The following DDR2 variants were observed in gnomAD, a reference collection of about 807,000 sequenced individuals.
DDR2 encodes the protein discoidin domain receptor tyrosine kinase 2, also known as discoidin domain-containing receptor 2.
In DDR2, 27 loss-of-function variants were observed where a neutral mutation model predicts 94.9. The observed-to-expected ratio is 0.28, with a 90% CI of 0.21 to 0.39. The LOEUF (loss-of-function observed/expected upper bound fraction) is 0.39, where lower values mean the gene tolerates loss of function less well. Ranked by LOEUF, DDR2 falls within the 10% of genes least tolerant of loss-of-function variation. DDR2 has a pLI of 1.00. For synonymous variants in DDR2, 382 were observed against 377.2 expected (o/e 1.01, Z -0.15); for missense variants, 783 against 1,076.0 (o/e 0.73, Z 3.81).
chr1:162,636,823 T>G (rs891299823), intron 1 of DDR2, among the ~76,000 whole-genome samples: 1 of 152,158 alleles, frequency 6.6e-6, no homozygotes. Context: ...AGATGGGAGA[T>G]GGATTAAAAA....
At chr1:162,722,321 A>G (rs1285810573) in intron 3 of DDR2, among the ~76,000 whole-genome samples, 2 of 152,174 alleles carry the variant, frequency 1.3e-5, no homozygotes, top group Non-Finnish European at 2.9e-5. Flanking sequence ...TGGGGCCTGG[A>G]GCGTAGGCTA....
At chr1:162,670,341 C>T (rs1056777653) in intron 2 of DDR2, among the ~76,000 whole-genome samples, 2 of 152,188 alleles carry the variant, frequency 1.3e-5, no homozygotes, top group African/African-American at 2.4e-5. Flanking sequence ...CTCCTGACCT[C>T]GTGATCTGCC....
At chr1:162,772,445 T>G (rs1486540655) in intron 13 of DDR2, 198 bp downstream of exon 13, 1 of 630,516 alleles carries the variant, frequency 1.6e-6, no homozygotes, top group African/African-American at 1.8e-5. Context: ...CTGGGACTTC[T>G]GATTTCTATA....
intron 3 of DDR2, among the ~76,000 whole-genome samples, chr1:162,727,272 A>ATATATTTATATTTTG (rs1228544082): frequency 3.7e-5 from 2 of 54,620 alleles, no homozygotes; most frequent in African/African-American, 8.1e-5. Context: ...AAATATAAAT[A>ATATATTTATATTTTG]TAAATATAAA....
chr1:162,746,536 C>G (rs1027343327), intron 3 of DDR2, among the ~76,000 whole-genome samples: 1 of 152,250 alleles, frequency 6.6e-6, no homozygotes, highest in African/African-American at 2.4e-5. Context: ...GACGCCACCT[C>G]TGTGGGCAGG....
chr1:162,730,768 A>G (rs901301398), intron 3 of DDR2, among the ~76,000 whole-genome samples: 2 of 152,152 alleles, frequency 1.3e-5, no homozygotes, highest in Non-Finnish European at 2.9e-5. Context: ...CCGACTCTCA[A>G]AAAATCAGCT....
chr1:162,739,289 G>T (rs939221330), intron 3 of DDR2, among the ~76,000 whole-genome samples: 5 of 151,742 alleles, frequency 3.3e-5, no homozygotes, highest in Non-Finnish European at 7.4e-5. Context: ...CCATCAAAAA[G>T]TGGGCAAAGG....
intron 2 of DDR2, among the ~76,000 whole-genome samples, chr1:162,656,195 C>T (rs1371678482): frequency 6.6e-6 from 1 of 152,160 alleles, no homozygotes; most frequent in Non-Finnish European, 1.5e-5. Flanking sequence ...CTCCTTCATG[C>T]CTGTGCCTCT....
chr1:162,763,688 A>C (rs1485903510), intron 9 of DDR2, among the ~76,000 whole-genome samples: 1 of 152,094 alleles, frequency 6.6e-6, no homozygotes, highest in African/African-American at 2.4e-5. Context: ...TAGAAAACAC[A>C]AACTGGGTAG....
chr1:162,632,633 T>C lies in DDR2; in HGVS notation c.-192+2T>C, dbSNP rs1656611563. 1 of 152,248 alleles carries C rather than the reference T, an allele frequency of 6.6e-6. No individual in the cohort carries two copies. Among genetic ancestry groups the C allele is most frequent in the Non-Finnish European group, 1.5e-5 (1 of 68,050 alleles). 9.4% of individuals were successfully genotyped at this position (152,248 alleles called of 1,614,324 possible). On this transcript the variant is annotated splice_donor_variant, in intron 1 of 17. Coordinates refer to ENST00000367921, the MANE Select transcript of DDR2 (RefSeq NM_006182.4). LOFTEE classifies it low-confidence loss of function (5UTR_SPLICE). ...AAAACTGTGCACCCCTGGATGAAAG[T>C]AAGTTATGTGGGTCTTTTTTCTTTA...
intron 3 of DDR2, among the ~76,000 whole-genome samples, chr1:162,732,962 C>T (rs1047293974): frequency 3.3e-5 from 5 of 152,220 alleles, no homozygotes; most frequent in African/African-American, 1.2e-4. Flanking sequence ...AGGGCTGGAG[C>T]TCCCTGCTGG....
At chr1:162,662,845 G>A (rs188259403) in intron 2 of DDR2, among the ~76,000 whole-genome samples, 20 of 152,144 alleles carry the variant, frequency 1.3e-4, no homozygotes, top group Non-Finnish European at 2.5e-4. Flanking sequence ...AAGAAAGTAT[G>A]TGGAGGTGTC....
At chr1:162,751,759 A>G (rs1663208174) in intron 3 of DDR2, among the ~76,000 whole-genome samples, 1 of 152,248 alleles carries the variant, frequency 6.6e-6, no homozygotes, top group South Asian at 2.1e-4. Flanking sequence ...AATGTCCATC[A>G]ATGATAGACT....
rs541388979 is a variant in DDR2, at chr1:162,707,731, T to C, written c.-27-11306T>C. ...CTCACAATAGATGCTAAACATACGA[T>C]TGCCACCTCGACTGCTGATCTTTTT... On this transcript the variant is annotated intron_variant, in intron 2 of 17. Transcript: ENST00000367921. Among the ~76,000 whole-genome samples, 3 of 152,318 alleles carry C rather than the reference T, an allele frequency of 2.0e-5. No homozygotes were observed. In the East Asian group the frequency reaches 5.8e-4, roughly 29 times the overall value.
At chr1:162,692,387 G>A (rs972853360) in intron 2 of DDR2, among the ~76,000 whole-genome samples, 1 of 152,194 alleles carries the variant, frequency 6.6e-6, no homozygotes, top group African/African-American at 2.4e-5. Context: ...GGCAAACAAT[G>A]GAGTCAGAGG....
At chr1:162,656,837 T>TG (rs1232219593) in intron 2 of DDR2, among the ~76,000 whole-genome samples, 87 of 115,012 alleles carry the variant, frequency 7.6e-4, no homozygotes, top group African/African-American at 2.3e-3. Flanking sequence ...ACTGGAGTTT[T>TG]TTTTTTTTTT....
chr1:162,726,296 TTTAAC>T (rs1458698677), intron 3 of DDR2, among the ~76,000 whole-genome samples: 2 of 152,232 alleles, frequency 1.3e-5, no homozygotes, highest in African/African-American at 4.8e-5. Context: ...TAATTAATTA[TTTAAC>T]TTAATTACTA....
intron 7 of DDR2, among the ~76,000 whole-genome samples, chr1:162,758,946 C>G (rs1663585632): frequency 6.6e-6 from 1 of 152,106 alleles, no homozygotes; most frequent in Admixed American, 6.6e-5. Flanking sequence ...GAAGGAGCCT[C>G]TTCGTGTTCT....
intron 1 of DDR2, among the ~76,000 whole-genome samples, chr1:162,651,205 C>T (rs994450688): frequency 1.3e-5 from 2 of 152,148 alleles, no homozygotes; most frequent in Non-Finnish European, 2.9e-5. Flanking sequence ...AAGCCTTTCC[C>T]GGCTCTCTTG....
Sources: allele counts gnomAD v4.1 joint callset (sites outside exome capture counted in the v4.1 genomes callset), GRCh38; gene constraint gnomAD v4.1.1; transcripts MANE v1.5; gene names NCBI Gene and HGNC (gene_info 2026-07-23, HGNC 2026-07-21).